GRIN3A: variants seen among roughly 807,000 people sequenced by gnomAD.
The protein encoded by GRIN3A is glutamate ionotropic receptor NMDA type subunit 3A.
Under a neutral mutation model 92.4 loss-of-function variants are expected in GRIN3A, and 47 were observed. That is an observed-to-expected ratio of 0.51 (90% CI 0.40 to 0.65). The LOEUF (loss-of-function observed/expected upper bound fraction) is 0.65. Among genes scored for constraint, GRIN3A ranks in the 30% least tolerant of loss-of-function variants. The pLI, the probability that GRIN3A is intolerant of heterozygous loss-of-function variation, is 0.00. For synonymous variants in GRIN3A, 527 were observed against 540.6 expected (o/e 0.97, Z 0.35); for missense variants, 1,324 against 1,393.1 (o/e 0.95, Z 0.79).
chr9:101,733,596 G>T (rs763507529), intron 1 of GRIN3A, among the ~76,000 whole-genome samples: 2 of 152,198 alleles, frequency 1.3e-5, no homozygotes, highest in Non-Finnish European at 2.9e-5. Flanking sequence ...GAGAGCAGAT[G>T]TTTTAAAAAT....
chr9:101,715,155 T>C (rs1829928295), intron 1 of GRIN3A, among the ~76,000 whole-genome samples: 1 of 147,782 alleles, frequency 6.8e-6, no homozygotes, highest in Non-Finnish European at 1.5e-5. Flanking sequence ...AATAAGAGCC[T>C]GTGAATAAAG....
intron 3 of GRIN3A, among the ~76,000 whole-genome samples, chr9:101,646,228 C>G (rs977498845): frequency 6.6e-6 from 1 of 151,622 alleles, no homozygotes; most frequent in African/African-American, 2.4e-5. Context: ...GTCTTTAAAC[C>G]ATTTTGATTT....
intron 3 of GRIN3A, among the ~76,000 whole-genome samples, chr9:101,641,224 T>C (rs918178098): frequency 2.6e-5 from 4 of 152,140 alleles, no homozygotes; most frequent in Non-Finnish European, 5.9e-5. Context: ...GGAAGTCAGT[T>C]TGGCGATTCC....
chr9:101,660,101 G>C (rs1216133729), intron 3 of GRIN3A, among the ~76,000 whole-genome samples: 11 of 151,656 alleles, frequency 7.3e-5, no homozygotes, highest in African/African-American at 2.4e-4. Flanking sequence ...CCCACTGAAT[G>C]ATTCTAATCC....
chr9:101,601,819 G>A (rs1027434481), intron 6 of GRIN3A, among the ~76,000 whole-genome samples: 5 of 152,116 alleles, frequency 3.3e-5, no homozygotes, highest in Non-Finnish European at 7.4e-5. Flanking sequence ...ACTGGATTCG[G>A]GGTTCACTCT....
intron 6 of GRIN3A, among the ~76,000 whole-genome samples, chr9:101,607,183 C>T (rs897301886): frequency 7.2e-5 from 11 of 151,770 alleles, no homozygotes; most frequent in Admixed American, 5.9e-4. Context: ...AGTTTATCTT[C>T]CAGAGAAACT....
intron 6 of GRIN3A, among the ~76,000 whole-genome samples, chr9:101,607,124 A>G (rs1183212440): frequency 1.3e-5 from 2 of 150,306 alleles, no homozygotes; most frequent in African/African-American, 4.9e-5. Flanking sequence ...TTCCTAAGTG[A>G]CTCTGGAGAG....
intron 6 of GRIN3A, chr9:101,591,635 A>G (rs1011976038): frequency 1.3e-5 from 2 of 152,248 alleles, no homozygotes; most frequent in Non-Finnish European, 1.5e-5. Flanking sequence ...AATGTTTATT[A>G]TCATCATCCC....
intron 2 of GRIN3A, among the ~76,000 whole-genome samples, chr9:101,678,813 C>T (rs1829432866): frequency 6.6e-6 from 1 of 152,116 alleles, no homozygotes; most frequent in Non-Finnish European, 1.5e-5. Flanking sequence ...TTCTTGCTTC[C>T]ATGTGTTGTA....
chr9:101,594,218 G>C, intron 6 of GRIN3A: 1 of 685,468 alleles, frequency 1.5e-6, no homozygotes, highest in Non-Finnish European at 2.3e-6. Flanking sequence ...CCCCTATAGG[G>C]TACCCTGAGT....
chr9:101,645,337 A>G (rs1259249172), intron 3 of GRIN3A, among the ~76,000 whole-genome samples: 1 of 151,428 alleles, frequency 6.6e-6, no homozygotes, highest in East Asian at 1.9e-4. Context: ...AGTTCTTTTT[A>G]TGGCTGTATA....
At chr9:101,622,278 A>G (rs2118867213) in intron 5 of GRIN3A, among the ~76,000 whole-genome samples, 1 of 152,378 alleles carries the variant, frequency 6.6e-6, no homozygotes, top group East Asian at 1.9e-4. Flanking sequence ...CCTAGTTAAC[A>G]TACAGGAAAG....
intron 5 of GRIN3A, among the ~76,000 whole-genome samples, chr9:101,620,167 G>T (rs998271365): frequency 2.0e-5 from 3 of 152,124 alleles, no homozygotes; most frequent in Non-Finnish European, 4.4e-5. Flanking sequence ...AAAAACAAAA[G>T]AAATTGGTTT....
At chr9:101,712,364 T>C (rs576951844) in intron 1 of GRIN3A, among the ~76,000 whole-genome samples, 2 of 152,154 alleles carry the variant, frequency 1.3e-5, no homozygotes, top group African/African-American at 4.8e-5. Flanking sequence ...AACTACAGAG[T>C]GCAATTCTTC....
chr9:101,607,540 A>G (rs1828303178), intron 6 of GRIN3A, among the ~76,000 whole-genome samples: 1 of 151,996 alleles, frequency 6.6e-6, no homozygotes, highest in African/African-American at 2.4e-5. Flanking sequence ...TGTGCCTTGC[A>G]CTCCACCCCG....
chr9:101,577,279 C>T (rs1181190431), intron 8 of GRIN3A, among the ~76,000 whole-genome samples: 1 of 152,086 alleles, frequency 6.6e-6, no homozygotes, highest in African/African-American at 2.4e-5. Context: ...GCCAAAAAGA[C>T]AGTAAAACAT....
At chr9:101,620,141 A>G (rs954365546) in intron 5 of GRIN3A, among the ~76,000 whole-genome samples, 3 of 152,198 alleles carry the variant, frequency 2.0e-5, no homozygotes, top group Admixed American at 6.5e-5. Context: ...ACAAAATATC[A>G]TAGACTGGGA....
chr9:101,691,057 T>C (rs1046621732), intron 1 of GRIN3A, among the ~76,000 whole-genome samples: 1 of 152,134 alleles, frequency 6.6e-6, no homozygotes, highest in Non-Finnish European at 1.5e-5. Context: ...TTTTTAGTTT[T>C]AAACACCTAT....
At chr9:101,639,276 T>C (rs1470705066) in intron 3 of GRIN3A, among the ~76,000 whole-genome samples, 1 of 152,066 alleles carries the variant, frequency 6.6e-6, no homozygotes, top group Non-Finnish European at 1.5e-5. Flanking sequence ...GATTTCACTG[T>C]AATTGTCAGG....
Sources: allele counts gnomAD v4.1 joint callset (sites outside exome capture counted in the v4.1 genomes callset), GRCh38; gene constraint gnomAD v4.1.1; transcripts MANE v1.5; gene names NCBI Gene and HGNC (gene_info 2026-07-23, HGNC 2026-07-21).